AMD1: variants seen among roughly 807,000 people sequenced by gnomAD.
AMD1 encodes adenosylmethionine decarboxylase 1, also known as S-adenosylmethionine decarboxylase proenzyme.
AMD1 carries 11 observed loss-of-function variants against 40.2 expected under a neutral mutation model. The ratio of observed to expected loss-of-function variants is 0.27; its 90% CI spans 0.17 to 0.45. AMD1 has a LOEUF of 0.45. AMD1 is among the 20% of genes least tolerant of loss of function. AMD1 has a pLI of 1.00. For synonymous variants in AMD1, 121 were observed against 130.8 expected, an observed-to-expected ratio of 0.93 and a Z score of 0.51; for missense variants, 257 against 410.2, an observed-to-expected ratio of 0.63 and a Z score of 3.23.
At position 110,893,840 on chromosome 6, in the gene AMD1, G is replaced by A; in HGVS notation, c.*224G>A. ...TCTCTTCTGTGTTTAGGTATTCTCTGCCACTCTTGCTGTGAAATTGAAGTG... is the reference window on the plus strand; with the variant it reads ...TCTCTTCTGTGTTTAGGTATTCTCTACCACTCTTGCTGTGAAATTGAAGTG... On this transcript the variant is annotated 3_prime_UTR_variant, in exon 9 of 9. Coordinates refer to ENST00000368885, the MANE Select transcript of AMD1 (RefSeq NM_001634.6). The A allele has an allele frequency of 2.1e-6, 1 of 472,650 alleles. No homozygotes were observed. The highest frequency in any genetic ancestry group is 3.7e-6 in the Non-Finnish European group (1 of 270,342). 29.3% of individuals were successfully genotyped at this position (472,650 alleles called of 1,614,324 possible). A position where few individuals can be genotyped will look rare whatever the true frequency, so the allele number is the denominator to read the frequency against.
Position 110,875,068 on chromosome 6 carries a change from T to G in AMD1, c.-38T>G. Reference sequence around the variant, plus strand: ...GGGAGAAGAGGTTTAATTTAGTTGATTTTCTGTGGTTGTTGGTTGTTCGCT... The same window carrying G: ...GGGAGAAGAGGTTTAATTTAGTTGAGTTTCTGTGGTTGTTGGTTGTTCGCT... On this transcript the variant is annotated 5_prime_UTR_variant, in exon 1 of 9. Coordinates refer to ENST00000368885, the MANE Select transcript of AMD1 (RefSeq NM_001634.6). 6.6e-7 allele frequency: 1 copy of G among 1,519,796 alleles called. No homozygotes were observed. Among genetic ancestry groups the G allele is most frequent in the Non-Finnish European group, 9.0e-7 (1 of 1,106,156 alleles). The allele number at this position is 1,519,796 out of a possible 1,614,324, so 94.1% of individuals were successfully genotyped here. A position where few individuals can be genotyped will look rare whatever the true frequency, so the allele number is the denominator to read the frequency against.
intron 1 of AMD1, among the ~76,000 whole-genome samples, chr6:110,878,995 G>A (rs1785257631): frequency 6.6e-6 from 1 of 152,092 alleles, no homozygotes; most frequent in African/African-American, 2.4e-5. Flanking sequence ...AAACCTTTTA[G>A]TGTAATGTTT....
intron 3 of AMD1, 133 bp downstream of exon 3, chr6:110,889,116 T>C (rs1785870962): frequency 3.9e-6 from 4 of 1,023,844 alleles, no homozygotes; most frequent in Non-Finnish European, 5.4e-6. Flanking sequence ...AAGGTGTTCA[T>C]ACCTTAGGAA....
the AMD1 span, among the ~76,000 whole-genome samples, chr6:110,829,066 A>G: frequency 1.3e-5 from 2 of 152,028 alleles, no homozygotes; most frequent in African/African-American, 4.8e-5. Context: ...GCTACTTGGG[A>G]GGCTGAGGCA....
At chr6:110,850,319 G>A in the AMD1 span, among the ~76,000 whole-genome samples, 2 of 152,180 alleles carry the variant, frequency 1.3e-5, no homozygotes, top group Non-Finnish European at 2.9e-5. Flanking sequence ...CTTAGACGTT[G>A]GGAATATTTG....
chr6:110,847,248 G>A, the AMD1 span, among the ~76,000 whole-genome samples: 3 of 152,054 alleles, frequency 2.0e-5, no homozygotes, highest in Admixed American at 6.6e-5. Context: ...TCTAAAGACC[G>A]GGCACAGTGG....
At chr6:110,862,470 A>ATTT in the AMD1 span, among the ~76,000 whole-genome samples, 103 of 119,978 alleles carry the variant, frequency 8.6e-4, no homozygotes, top group African/African-American at 2.8e-3. Flanking sequence ...CTATTTACTT[A>ATTT]TTTTTTTTTT....
upstream of AMD1, among the ~76,000 whole-genome samples, chr6:110,874,366 G>C (rs1472241141): frequency 6.6e-6 from 1 of 152,152 alleles, no homozygotes; most frequent in African/African-American, 2.4e-5. Flanking sequence ...AACTGCACAA[G>C]ATCAAAACCA....
At chr6:110,854,507 G>A in the AMD1 span, among the ~76,000 whole-genome samples, 1 of 151,768 alleles carries the variant, frequency 6.6e-6, no homozygotes, top group South Asian at 2.1e-4. Context: ...GGAGTGCAGT[G>A]GTACGATCTT....
At chr6:110,830,968 C>T in the AMD1 span, among the ~76,000 whole-genome samples, 1 of 152,074 alleles carries the variant, frequency 6.6e-6, no homozygotes, top group Non-Finnish European at 1.5e-5. Context: ...GTTGCCCAGG[C>T]TGAGGATTCT....
At chr6:110,880,679 CTTTT>C (rs1224615171) in intron 1 of AMD1, among the ~76,000 whole-genome samples, 1 of 152,062 alleles carries the variant, frequency 6.6e-6, no homozygotes, top group Non-Finnish European at 1.5e-5. Flanking sequence ...TCATTTACTT[CTTTT>C]TTTGAGACAC....
chr6:110,822,419 G>A, the AMD1 span, among the ~76,000 whole-genome samples: 17 of 151,920 alleles, frequency 1.1e-4, no homozygotes, highest in African/African-American at 4.1e-4. Flanking sequence ...ATAACAAGCA[G>A]TGAGATTGCC....
chr6:110,887,409 AAT>A, intron 1 of AMD1, 94 bp from the exon 2 acceptor site: 1 of 768,858 alleles, frequency 1.3e-6, no homozygotes, highest in Non-Finnish European at 2.1e-6. Context: ...ATTAATTAAA[AAT>A]GTGGTCTTCA....
the AMD1 span, among the ~76,000 whole-genome samples, chr6:110,831,637 T>A: frequency 6.6e-6 from 1 of 152,004 alleles, no homozygotes; most frequent in Non-Finnish European, 1.5e-5. Flanking sequence ...CTTTGATTCT[T>A]AAGGCCTCTT....
the AMD1 span, among the ~76,000 whole-genome samples, chr6:110,866,459 A>G: frequency 1.3e-5 from 2 of 152,184 alleles, no homozygotes; most frequent in Admixed American, 6.5e-5. Flanking sequence ...GAGGAAAATC[A>G]CAAGTCATCG....
chr6:110,867,807 G>A, the AMD1 span, among the ~76,000 whole-genome samples: 1,782 of 152,286 alleles, frequency 0.012, 20 homozygotes, highest in South Asian at 0.037. Context: ...AAGTGTTCAT[G>A]AACCACATAA....
At chr6:110,823,476 T>C in the AMD1 span, among the ~76,000 whole-genome samples, 1 of 152,216 alleles carries the variant, frequency 6.6e-6, no homozygotes, top group African/African-American at 2.4e-5. Context: ...CCTAGAAAAC[T>C]CCAAAAGACT....
the AMD1 span, among the ~76,000 whole-genome samples, chr6:110,863,458 C>T: frequency 3.3e-5 from 5 of 151,456 alleles, no homozygotes; most frequent in Admixed American, 3.3e-4. Flanking sequence ...CAACCTCCAC[C>T]TCCTGGGCTC....
chr6:110,856,118 T>C, the AMD1 span, among the ~76,000 whole-genome samples: 2 of 151,882 alleles, frequency 1.3e-5, no homozygotes, highest in East Asian at 1.9e-4. Context: ...AAGGGGATGA[T>C]CAGAAATCCA....
Sources: gnomAD v4.1 joint callset for allele counts (sites outside exome capture counted in the v4.1 genomes callset) on GRCh38, gnomAD v4.1.1 for gene constraint, MANE v1.5 for transcripts, NCBI Gene and HGNC (gene_info 2026-07-23, HGNC 2026-07-21) for gene names.